The following ARNT variants were observed in gnomAD, a reference collection of about 807,000 sequenced individuals.
The protein encoded by ARNT is aryl hydrocarbon receptor nuclear translocator, also known as class E basic helix-loop-helix protein 2.
A neutral mutation model predicts 105.0 loss-of-function variants in ARNT; 30 were observed. The ratio of observed to expected loss-of-function variants is 0.29; its 90% CI spans 0.21 to 0.39. The LOEUF (loss-of-function observed/expected upper bound fraction) is 0.39, where lower values mean the gene tolerates loss of function less well. Among genes scored for constraint, ARNT ranks in the 10% least tolerant of loss-of-function variants. The pLI is 1.00. For missense variants in ARNT, 748 were observed against 978.7 expected (o/e 0.76, Z 3.15); for synonymous variants, 304 against 344.0 (o/e 0.88, Z 1.29).
intron 8 of ARNT, 88 bp from the exon 9 acceptor site, chr1:150,832,487 TACAA>T: frequency 3.2e-6 from 4 of 1,236,948 alleles, no homozygotes; most frequent in Non-Finnish European, 3.6e-6. Flanking sequence ...ATGCTCTGGA[TACAA>T]CCAGACATAG....
At chr1:150,826,495 G>C in intron 13 of ARNT, 48 bp downstream of exon 13, 1 of 1,449,274 alleles carries the variant, frequency 6.9e-7, no homozygotes, top group Non-Finnish European at 9.7e-7. Flanking sequence ...TATTTATGGA[G>C]TGAATATGAC....
chr1:150,834,809 T>A (rs892065924), intron 7 of ARNT, 169 bp from the exon 8 acceptor site: 2 of 542,178 alleles, frequency 3.7e-6, no homozygotes, highest in African/African-American at 3.8e-5. Flanking sequence ...CCTAAAATAC[T>A]TCAATTATCA....
chr1:150,821,089 TAAGG>T (rs1396005624), intron 14 of ARNT, among the ~76,000 whole-genome samples: 5 of 152,202 alleles, frequency 3.3e-5, no homozygotes, highest in African/African-American at 7.2e-5. Context: ...AAGAAAATCA[TAAGG>T]AAGAGAAAAT....
At position 150,858,412 on chromosome 1, in the gene ARNT, T is replaced by C. The variant is rs759809720; in HGVS notation, c.74A>G (p.Asn25Ser). 1 of 1,610,100 alleles carries C rather than the reference T, an allele frequency of 6.2e-7. No individual in the cohort carries two copies. Among genetic ancestry groups the C allele is most frequent in the African/African-American group, 1.3e-5 (1 of 74,846 alleles). ...TCCACCTTGAATTCCAGGTCCAGAG[T>C]TTCCAGAGGCAATGGCTGGACCCAG... ...PSLGPAIASG[N>S]SGPGIQGGGA... Residue 25 changes from asparagine (N) to serine (S), a missense_variant, in exon 2 of 22, where the codon AAC becomes AGC. By Grantham distance (46) the Asn-to-Ser change is conservative. Transcript: ENST00000358595.
At chr1:150,871,886 C>T (rs371342038) in intron 1 of ARNT, among the ~76,000 whole-genome samples, 67 of 114,584 alleles carry the variant, frequency 5.8e-4, no homozygotes, top group African/African-American at 2.2e-3. Context: ...CCAGCCTGGG[C>T]GACACAGTAA....
At chr1:150,836,900 C>T (rs1288390302) in intron 6 of ARNT, among the ~76,000 whole-genome samples, 9 of 151,972 alleles carry the variant, frequency 5.9e-5, no homozygotes, top group Admixed American at 5.9e-4. Flanking sequence ...CAAAACAAAA[C>T]AAAAACAAAA....
At chr1:150,821,351 T>C (rs1657019713) in intron 14 of ARNT, among the ~76,000 whole-genome samples, 1 of 152,244 alleles carries the variant, frequency 6.6e-6, no homozygotes, top group Admixed American at 6.5e-5. Flanking sequence ...GTTTCAGTAT[T>C]GCACTCAACA....
At chr1:150,812,255 C>CT (rs1654886565) in intron 21 of ARNT, 145 bp from the exon 22 acceptor site, 8 of 469,760 alleles carry the variant, frequency 1.7e-5, no homozygotes, top group Non-Finnish European at 2.9e-5. Context: ...CTTCCAACAA[C>CT]TTTGACTCCT....
rs1668273161 is a variant in ARNT at position 150,876,433 on chromosome 1, C to G, written c.25+110G>C. The G allele has an allele frequency of 3.3e-6, 5 of 1,502,832 alleles. No homozygotes were observed. In the South Asian group the frequency reaches 6.3e-5, roughly 19 times the overall value. The allele number at this position is 1,502,832 out of a possible 1,614,324, so 93.1% of individuals were successfully genotyped here. A position where few individuals can be genotyped will look rare whatever the true frequency, so the allele number is the denominator to read the frequency against. ...CCACCGTCTCTCGCGGCCCCCGCCC[C>G]GCCCCGGCGCCTTCAGCTCCAGCTG... On this transcript the variant is annotated intron_variant, in intron 1 of 21. Transcript: ENST00000358595.
chr1:150,829,304 T>C, intron 11 of ARNT, 77 bp from the exon 12 acceptor site: 1 of 1,448,230 alleles, frequency 6.9e-7, no homozygotes, highest in East Asian at 2.3e-5. Context: ...TCATGGTCTT[T>C]TGCATAGACA....
At chr1:150,844,991 G>C (rs898724664) in intron 4 of ARNT, among the ~76,000 whole-genome samples, 1 of 151,936 alleles carries the variant, frequency 6.6e-6, no homozygotes, top group African/African-American at 2.4e-5. Flanking sequence ...TATATTTTTA[G>C]TAGAGATGGG....
intron 14 of ARNT, 121 bp downstream of exon 14, chr1:150,823,073 C>A (rs10305721): frequency 1.9e-5 from 20 of 1,026,612 alleles, no homozygotes; most frequent in Non-Finnish European, 2.6e-5. Context: ...CATGCCACCA[C>A]GCCCGGCTAA....
At chr1:150,856,320 GT>G (rs1388827368) in intron 2 of ARNT, among the ~76,000 whole-genome samples, 2 of 152,074 alleles carry the variant, frequency 1.3e-5, no homozygotes, top group African/African-American at 4.8e-5. Flanking sequence ...GGCGCCTGTA[GT>G]CCCAGCTACT....
At chr1:150,816,736 G>T in intron 18 of ARNT, 52 bp downstream of exon 18, 1 of 1,496,690 alleles carries the variant, frequency 6.7e-7, no homozygotes, top group Non-Finnish European at 8.9e-7. Flanking sequence ...TTTGGATTCA[G>T]CAGCTGAATC....
At chr1:150,868,189 G>A (rs752638460) in intron 1 of ARNT, among the ~76,000 whole-genome samples, 14 of 151,910 alleles carry the variant, frequency 9.2e-5, no homozygotes, top group Non-Finnish European at 1.9e-4. Flanking sequence ...GCACTGTGGT[G>A]TACACTTGTA....
rs1663916712 is a variant in ARNT, at chr1:150,853,027, T to A, written c.138-221A>T. 1.1e-4 allele frequency: 59 copies of A among 554,690 alleles called. No homozygotes were observed. In the South Asian group the frequency reaches 1.2e-3, roughly 11 times the overall value. The allele number at this position is 554,690 out of a possible 1,614,324, so 34.4% of individuals were successfully genotyped here. On this transcript the variant is annotated intron_variant, in intron 2 of 21. Coordinates refer to ENST00000358595, the MANE Select transcript of ARNT (RefSeq NM_001668.4). ...CAGGAGTGGTGGCTCACGCCTGTAA[T>A]CCCAGCACTTTGGAAGGCTGAGGTG...
chr1:150,823,740 C>T (rs1391418390), intron 13 of ARNT, among the ~76,000 whole-genome samples: 12 of 150,514 alleles, frequency 8.0e-5, no homozygotes, highest in African/African-American at 2.2e-4. Flanking sequence ...TTAGTAGAGA[C>T]GGGGTTTCAC....
chr1:150,871,176 A>T (rs1667361955), intron 1 of ARNT, among the ~76,000 whole-genome samples: 1 of 149,854 alleles, frequency 6.7e-6, no homozygotes, highest in African/African-American at 2.5e-5. Flanking sequence ...TTAATTATCC[A>T]CTCCTTTCCC....
intron 12 of ARNT, among the ~76,000 whole-genome samples, chr1:150,827,003 A>ATTTTATTT (rs1658423384): frequency 6.6e-6 from 1 of 151,696 alleles, no homozygotes; most frequent in Non-Finnish European, 1.5e-5. Context: ...GGGGACCTGG[A>ATTTTATTT]TTTTATTTCT....
Sources: gnomAD v4.1 joint callset for allele counts (sites outside exome capture counted in the v4.1 genomes callset) on GRCh38, gnomAD v4.1.1 for gene constraint, MANE v1.5 for transcripts, NCBI Gene and HGNC (gene_info 2026-07-23, HGNC 2026-07-21) for gene names.